The following XXYLT1 variants were observed in gnomAD, a reference collection of about 807,000 sequenced individuals.
XXYLT1 encodes UDP-xylose:alpha-xyloside alpha-1,3-xylosyltransferase.
In XXYLT1, 20 loss-of-function variants were observed where a neutral mutation model predicts 28.9. The observed-to-expected ratio is 0.69, with a 90% CI of 0.49 to 1.00. The LOEUF (loss-of-function observed/expected upper bound fraction) is 1.00. Among genes scored for constraint, XXYLT1 ranks in the 50% least tolerant of loss-of-function variants. The probability of loss-of-function intolerance (pLI) is 0.00; values close to 1 mark genes in which losing one functional copy is unlikely to be tolerated. For synonymous variants in XXYLT1, 257 were observed against 253.8 expected, an observed-to-expected ratio of 1.01 and a Z score of -0.12; for missense variants, 542 against 560.1, an observed-to-expected ratio of 0.97 and a Z score of 0.33.
At position 195,088,353 on chromosome 3, in the gene XXYLT1, G is replaced by A. The variant is rs549547020; in HGVS notation, c.786-18242C>T. On this transcript the variant is annotated intron_variant, in intron 3 of 3. Coordinates refer to ENST00000310380, the MANE Select transcript of XXYLT1 (RefSeq NM_152531.5). ...CTGGAGATCTGAGAACGGGCAGACT[G>A]CCTCCTCAAGTGGGTCCCTGACCCC... Among the ~76,000 whole-genome samples the A allele has an allele frequency of 7.8e-3, 1,155 of 147,940 alleles. 19 individuals carry two copies. Among genetic ancestry groups the A allele is most frequent in the Middle Eastern group, 0.021 (6 of 282 alleles).
intron 3 of XXYLT1, among the ~76,000 whole-genome samples, chr3:195,126,214 AGGATAAGG>A (rs1229609287): frequency 1.3e-5 from 2 of 152,202 alleles, no homozygotes; most frequent in Non-Finnish European, 2.9e-5. Flanking sequence ...TGCGTGAGGC[AGGATAAGG>A]CCGTGAATGA....
intron 1 of XXYLT1, among the ~76,000 whole-genome samples, chr3:195,230,549 T>G (rs1395655359): frequency 2.0e-5 from 3 of 148,544 alleles, no homozygotes; most frequent in Non-Finnish European, 4.4e-5. Flanking sequence ...ATCCACTTTG[T>G]TTTTTTATAT....
chr3:195,134,856 TGTGTGTGTGTGTGCGTGTGC>T (rs1257475113), intron 3 of XXYLT1, among the ~76,000 whole-genome samples: 78 of 128,174 alleles, frequency 6.1e-4, no homozygotes, highest in African/African-American at 2.0e-3. Context: ...TGTGTGTGTG[TGTGTGTGTGTGTGCGTGTGC>T]GCGCGTGCGC....
rs1471979549 is a variant in XXYLT1 at position 195,078,999 on chromosome 3, G to A, written c.786-8888C>T. On this transcript the variant is annotated intron_variant, in intron 3 of 3. Coordinates refer to ENST00000310380, the MANE Select transcript of XXYLT1 (RefSeq NM_152531.5). The surrounding 1 kb of genome is among the most constrained non-coding windows in gnomAD (Gnocchi z 5.0). Reference sequence around the variant, plus strand: ...ATGGGAACTGAGATCCCTCTCTGGCGGCAACGTCCTGACCCACCCTGCACA... The same window carrying A: ...ATGGGAACTGAGATCCCTCTCTGGCAGCAACGTCCTGACCCACCCTGCACA... 4.6e-5 allele frequency among the ~76,000 whole-genome samples: 7 copies of A among 152,126 alleles called. No individual in the cohort carries two copies. The highest frequency in any genetic ancestry group is 7.2e-5 in the African/African-American group (3 of 41,410).
intron 3 of XXYLT1, among the ~76,000 whole-genome samples, chr3:195,073,477 C>A (rs1714941966): frequency 6.6e-6 from 1 of 152,174 alleles, no homozygotes; most frequent in South Asian, 2.1e-4. Flanking sequence ...CTCTGACTAA[C>A]CCCTCCCCCC....
chr3:195,210,937 C>G lies in XXYLT1; in HGVS notation c.652+15772G>C, dbSNP rs1244091929. Among the ~76,000 whole-genome samples the G allele has an allele frequency of 6.6e-6, 1 of 152,234 alleles. No individual in the cohort carries two copies. The highest frequency in any genetic ancestry group is 6.5e-5 in the Admixed American group (1 of 15,284). On this transcript the variant is annotated intron_variant, in intron 2 of 3. Transcript: ENST00000310380. The surrounding 1 kb of genome is among the most constrained non-coding windows in gnomAD (Gnocchi z 4.8). ...CAGTCAAGGGCAGCACCCGCCACAG[C>G]AGGAATCAGAGTTCTCCAGGCTTGG...
intron 1 of XXYLT1, chr3:195,247,788 G>A (rs1349774458): frequency 1.1e-5 from 8 of 702,576 alleles, no homozygotes; most frequent in Non-Finnish European, 2.1e-5. Flanking sequence ...GCCTGGCTGG[G>A]GAGGCCTCAG....
In XXYLT1 at chr3:195,110,345, G is replaced by GTAT. The variant is rs1560100887; in HGVS notation, c.786-40235_786-40234insATA. Among the ~76,000 whole-genome samples the GTAT allele has an allele frequency of 7.1e-5, 2 of 28,358 alleles. 1 individual carries two copies. The highest frequency in any genetic ancestry group is 2.7e-4 in the African/African-American group (2 of 7,532). The allele number at this position is 28,358 out of a possible 152,430, so 18.6% of individuals were successfully genotyped here. ...GAGGGTGAGGTGTGTGTATGTGTGT[G>GTAT]GTGTGTGGTGTATGTGCGTGCGTGT... is the stretch of plus-strand genomic sequence containing the variant. On this transcript the variant is annotated intron_variant, in intron 3 of 3. Transcript: ENST00000310380.
intron 3 of XXYLT1, among the ~76,000 whole-genome samples, chr3:195,142,355 G>A (rs1327399599): frequency 3.3e-5 from 5 of 152,124 alleles, no homozygotes; most frequent in African/African-American, 1.2e-4. Context: ...GTCTTCGGTG[G>A]CAGGGTCTCA....
At chr3:195,215,005 G>A (rs941391282) in intron 2 of XXYLT1, 1 of 150,916 alleles carries the variant, frequency 6.6e-6, no homozygotes, top group Non-Finnish European at 1.5e-5. Context: ...GAAGAGAGTG[G>A]GGGCCAATAT....
intron 2 of XXYLT1, among the ~76,000 whole-genome samples, chr3:195,202,084 G>A (rs1238241693): frequency 6.6e-6 from 1 of 152,172 alleles, no homozygotes; most frequent in South Asian, 2.1e-4. Flanking sequence ...GGCTGAGGCA[G>A]GAGAATTGCT....
chr3:195,244,249 G>A (rs577889989), intron 1 of XXYLT1, among the ~76,000 whole-genome samples: 10 of 152,238 alleles, frequency 6.6e-5, no homozygotes, highest in Non-Finnish European at 1.3e-4. Flanking sequence ...CTGGACAGCA[G>A]GTGATGAAAC....
In XXYLT1 at chr3:195,193,286, TA is replaced by T. The variant is rs57822506; in HGVS notation, c.652+33422del. ...CTGTGCCACAGAGCGAGACTCCGTCTAAAAAAAAAAAAAAAGCCATTCCTAA... is the reference window on the plus strand; with the variant it reads ...CTGTGCCACAGAGCGAGACTCCGTCTAAAAAAAAAAAAAAGCCATTCCTAA... On this transcript the variant is annotated intron_variant, in intron 2 of 3. Transcript: ENST00000310380. Among the ~76,000 whole-genome samples the T allele has an allele frequency of 0.016, 1,759 of 110,800 alleles. 107 individuals carry two copies. The East Asian group carries it at 0.24, about 15-fold the overall frequency. 72.7% of individuals were successfully genotyped at this position (110,800 alleles called of 152,430 possible).
rs1725509217 is a variant in XXYLT1 at position 195,257,146 on chromosome 3, T to A, written c.504+13409A>T. ...CCAAGGACGCCATGTCCCGCAAGTC[T>A]GAGCAGCATGTGCACAGGACATCTG... On this transcript the variant is annotated intron_variant, in intron 1 of 3. Coordinates refer to ENST00000310380, the MANE Select transcript of XXYLT1 (RefSeq NM_152531.5). The surrounding 1 kb of genome is among the most constrained non-coding windows in gnomAD (Gnocchi z 4.3). Among the ~76,000 whole-genome samples the A allele has an allele frequency of 6.6e-6, 1 of 152,192 alleles. No homozygotes were observed. Among genetic ancestry groups the A allele is most frequent in the African/African-American group, 2.4e-5 (1 of 41,448 alleles).
chr3:195,138,449 G>A (rs891066114), intron 3 of XXYLT1, among the ~76,000 whole-genome samples: 6 of 152,280 alleles, frequency 3.9e-5, no homozygotes, highest in Admixed American at 3.3e-4. Context: ...GGAAGCGTCT[G>A]TCCTCCAAGC....
At chr3:195,070,166 C>A (rs1286757176) in intron 3 of XXYLT1, 55 bp from the exon 4 acceptor site, 38 of 1,499,060 alleles carry the variant, frequency 2.5e-5, no homozygotes, top group Non-Finnish European at 3.0e-5. Context: ...AGCCTGCCGG[C>A]CTGCTGCCCT....
chr3:195,081,143 C>G (rs2108647413), intron 3 of XXYLT1, among the ~76,000 whole-genome samples: 1 of 152,282 alleles, frequency 6.6e-6, no homozygotes, highest in East Asian at 1.9e-4. Context: ...CCTGGGCTCA[C>G]CTGGGAGCTC....
chr3:195,127,073 G>A (rs765761492), intron 3 of XXYLT1, among the ~76,000 whole-genome samples: 11 of 152,184 alleles, frequency 7.2e-5, no homozygotes, highest in Non-Finnish European at 1.5e-4. Flanking sequence ...AGTCTTCAGG[G>A]GTAGAGGTGG....
At chr3:195,152,045 A>G (rs1422377526) in intron 3 of XXYLT1, among the ~76,000 whole-genome samples, 1 of 152,230 alleles carries the variant, frequency 6.6e-6, no homozygotes, top group African/African-American at 2.4e-5. Context: ...CAGAGAATCC[A>G]GTGACTCACA....
Sources: allele counts gnomAD v4.1 joint callset (sites outside exome capture counted in the v4.1 genomes callset), GRCh38; gene constraint gnomAD v4.1.1; non-coding constraint Gnocchi (gnomAD v3.1); transcripts MANE v1.5; gene names NCBI Gene and HGNC (gene_info 2026-07-23, HGNC 2026-07-21).